Variants in CCDC7 observed in about 807,000 individuals in gnomAD.
The protein encoded by CCDC7 is coiled-coil domain containing 7.
Under a neutral mutation model 196.9 loss-of-function variants are expected in CCDC7, and 183 were observed. The observed-to-expected ratio is 0.93, with a 90% CI of 0.82 to 1.05. The LOEUF is 1.05. Ranked by LOEUF, CCDC7 falls within the 50% of genes least tolerant of loss-of-function variation. The pLI is 0.00. For missense variants in CCDC7, 1,540 were observed against 1,482.2 expected (o/e 1.04, Z -0.64); for synonymous variants, 525 against 484.6 (o/e 1.08, Z -1.10).
At chr10:32,727,822 A>G (rs558370770) in intron 26 of CCDC7, among the ~76,000 whole-genome samples, 1 of 152,228 alleles carries the variant, frequency 6.6e-6, no homozygotes, top group South Asian at 2.1e-4. Context: ...CTTATGCATA[A>G]GTTTGATTGA....
intron 24 of CCDC7, among the ~76,000 whole-genome samples, chr10:32,700,454 G>T (rs1738652393): frequency 6.6e-6 from 1 of 151,566 alleles, no homozygotes; most frequent in South Asian, 2.1e-4. Flanking sequence ...TTTGGTTACT[G>T]CAGCCTTGTA....
chr10:32,463,487 T>C (rs1447189532), intron 5 of CCDC7, among the ~76,000 whole-genome samples: 1 of 152,200 alleles, frequency 6.6e-6, no homozygotes, highest in Non-Finnish European at 1.5e-5. Flanking sequence ...TTTTACACTT[T>C]TGATTCAGGC....
At chr10:32,801,925 C>T (rs1168351178) in intron 29 of CCDC7, among the ~76,000 whole-genome samples, 2 of 152,186 alleles carry the variant, frequency 1.3e-5, no homozygotes, top group African/African-American at 2.4e-5. Context: ...CCTCCAGCCT[C>T]ATCAGGGTCC....
chr10:32,469,687 C>T (rs985049229), intron 5 of CCDC7, among the ~76,000 whole-genome samples: 15 of 152,170 alleles, frequency 9.9e-5, no homozygotes, highest in African/African-American at 3.4e-4. Flanking sequence ...TAGGAATCTG[C>T]CATGCCAGGG....
chr10:32,699,477 A>AGAACTATGCTCTTTTGGTTACTGT (rs1565188737), intron 24 of CCDC7, among the ~76,000 whole-genome samples: 1 of 149,370 alleles, frequency 6.7e-6, no homozygotes, highest in African/African-American at 2.6e-5. Flanking sequence ...GGTTGGTTCC[A>AGAACTATGCTCTTTTGGTTACTGT]AGTCTTTGCT....
chr10:32,724,633 G>C (rs2082865880), intron 25 of CCDC7, among the ~76,000 whole-genome samples: 1 of 152,060 alleles, frequency 6.6e-6, no homozygotes, highest in Admixed American at 6.6e-5. Context: ...GGCATGTGGA[G>C]AGGACCAGGA....
chr10:32,765,446 C>A (rs1410185063), intron 28 of CCDC7, among the ~76,000 whole-genome samples: 1 of 151,822 alleles, frequency 6.6e-6, no homozygotes, highest in South Asian at 2.1e-4. Flanking sequence ...TTGTCATTTC[C>A]CCAGTTTGTG....
intron 13 of CCDC7, among the ~76,000 whole-genome samples, chr10:32,561,481 T>A (rs1326436565): frequency 1.3e-5 from 2 of 152,110 alleles, no homozygotes; most frequent in Admixed American, 1.3e-4. Context: ...AAACTAGAAC[T>A]CAGGATTAAC....
intron 18 of CCDC7, among the ~76,000 whole-genome samples, chr10:32,630,081 A>T (rs2139430605): frequency 6.6e-6 from 1 of 152,242 alleles, no homozygotes; most frequent in Middle Eastern, 3.4e-3. Context: ...CTGCTGGAAA[A>T]GTATGTGGCC....
rs551954438 is a variant in CCDC7 at position 32,590,130 on chromosome 10, TCTTC to T, written c.1801+5831_1801+5834del. Among the ~76,000 whole-genome samples, 45 of 152,214 alleles carry T rather than the reference TCTTC, an allele frequency of 3.0e-4. No homozygotes were observed. In the East Asian group the frequency reaches 8.5e-3, roughly 29 times the overall value. On this transcript the variant is annotated intron_variant, in intron 18 of 41. Coordinates refer to ENST00000639629, the Ensembl canonical transcript of CCDC7. ...CTTTTCCAGTTGTTTTGTGGTCTTC[TCTTC>T]CTTCTTTCTTCCCTTTTTGTCTTCC...
rs1360614011 is a variant in CCDC7 at position 32,728,883 on chromosome 10, A to G, written c.2669-4A>G. On this transcript the variant is annotated splice_region_variant and splice_polypyrimidine_tract_variant and intron_variant, in intron 26 of 41. Coordinates refer to ENST00000639629, the Ensembl canonical transcript of CCDC7. ...TGATGGACTAAATGCATCTCTTGAT[A>G]TAGCTCGTATTGTAGTACCAAATGA... The G allele has an allele frequency of 6.5e-7, 1 of 1,535,978 alleles. No individual in the cohort carries two copies. Among genetic ancestry groups the G allele is most frequent in the Non-Finnish European group, 9.0e-7 (1 of 1,113,450 alleles).
At chr10:32,726,882 A>G (rs766099181) in intron 26 of CCDC7, 50 bp downstream of exon 27, 12 of 1,103,502 alleles carry the variant, frequency 1.1e-5, no homozygotes, top group Non-Finnish European at 1.3e-5. Context: ...AATTAAACTT[A>G]TCAGAAGATC....
chr10:32,757,027 G>A (rs1171271995), intron 28 of CCDC7, among the ~76,000 whole-genome samples: 1 of 152,110 alleles, frequency 6.6e-6, no homozygotes, highest in African/African-American at 2.4e-5. Flanking sequence ...AAAGGTAAAG[G>A]GATCAATTCA....
At position 32,718,052 on chromosome 10, in the gene CCDC7, T is replaced by C. The variant is rs1408908442; in HGVS notation, c.2569+6322T>C. 3.9e-5 allele frequency among the ~76,000 whole-genome samples: 6 copies of C among 152,168 alleles called. No individual in the cohort carries two copies. The East Asian group carries it at 1.2e-3, about 29-fold the overall frequency. On this transcript the variant is annotated intron_variant, in intron 25 of 41. Coordinates refer to ENST00000639629, the Ensembl canonical transcript of CCDC7. ...TTTTATGAGACCAGCAGCATCCTGA[T>C]ACCAAAATCTGGCAGAGACACAAAA...
At chr10:32,611,039 A>G (rs973466406) in intron 18 of CCDC7, among the ~76,000 whole-genome samples, 2 of 152,184 alleles carry the variant, frequency 1.3e-5, no homozygotes, top group African/African-American at 2.4e-5. Context: ...ACTCCCACCA[A>G]TGGTGTAAAA....
chr10:32,580,138 A>G (rs1227637309), intron 16 of CCDC7, among the ~76,000 whole-genome samples: 1 of 152,038 alleles, frequency 6.6e-6, no homozygotes, highest in Non-Finnish European at 1.5e-5. Context: ...TTTTTTTTCT[A>G]GTAAGAGAAT....
At chr10:32,726,361 G>A (rs1274788346) in intron 25 of CCDC7, among the ~76,000 whole-genome samples, 1 of 151,750 alleles carries the variant, frequency 6.6e-6, no homozygotes, top group African/African-American at 2.4e-5. Context: ...TGAATATTTA[G>A]ATGTGTTGAA....
intron 5 of CCDC7, among the ~76,000 whole-genome samples, chr10:32,467,141 C>T (rs1199236514): frequency 3.3e-5 from 5 of 151,142 alleles, no homozygotes; most frequent in East Asian, 1.9e-4. Context: ...CTTGCTCCCT[C>T]GCCAGGCTGG....
chr10:32,747,664 C>T (rs1261504580), intron 28 of CCDC7, among the ~76,000 whole-genome samples: 1 of 152,112 alleles, frequency 6.6e-6, no homozygotes, highest in Non-Finnish European at 1.5e-5. Flanking sequence ...AATGAGATAC[C>T]ATCTCATACC....
Sources: gnomAD v4.1 joint callset for allele counts (sites outside exome capture counted in the v4.1 genomes callset) on GRCh38, gnomAD v4.1.1 for gene constraint, MANE v1.5 for transcripts, NCBI Gene and HGNC (gene_info 2026-07-23, HGNC 2026-07-21) for gene names.